TBC1D22A: variants seen among roughly 807,000 people sequenced by gnomAD.
TBC1D22A encodes the protein putative GTPase activator.
TBC1D22A carries 38 observed loss-of-function variants against 60.2 expected under a neutral mutation model. The observed-to-expected ratio is 0.63, with a 90% confidence interval of 0.49 to 0.83. TBC1D22A has a LOEUF of 0.83. Ranked by LOEUF, TBC1D22A falls within the 40% of genes least tolerant of loss-of-function variation. The pLI, the probability that TBC1D22A is intolerant of heterozygous loss-of-function variation, is 0.00. For synonymous variants in TBC1D22A, 302 were observed against 281.7 expected (o/e 1.07, Z -0.72); for missense variants, 628 against 701.0 (o/e 0.90, Z 1.18).
At chr22:47,023,644 G>C (rs1827198607) in intron 10 of TBC1D22A, among the ~76,000 whole-genome samples, 1 of 152,230 alleles carries the variant, frequency 6.6e-6, no homozygotes, top group South Asian at 2.1e-4. Flanking sequence ...CATGACAACA[G>C]CAGTCTCATT....
chr22:47,173,536 C>G lies in TBC1D22A; in HGVS notation c.1464C>G (p.His488Gln). Reference sequence around the variant, plus strand: ...TCCTCCAGAACCTGCCCACAGCCCACTGGGATGATGAGGACATCAGCCTGT... The same window carrying G: ...TCCTCCAGAACCTGCCCACAGCCCAGTGGGATGATGAGGACATCAGCCTGT... The part of the protein sequence containing the change: ...LLFLQNLPTA[H>Q]WDDEDISLLL... The change falls in exon 13 of 13, where the codon CAC becomes CAG. Residue 488 changes from histidine (H) to glutamine (Q), a missense_variant. Physicochemically the swap from His to Gln is conservative, Grantham distance 24. Coordinates refer to ENST00000337137, the MANE Select transcript of TBC1D22A (RefSeq NM_014346.5). 1 of 1,614,196 alleles carries G rather than the reference C, an allele frequency of 6.2e-7. No individual in the cohort carries two copies. Among genetic ancestry groups the G allele is most frequent in the Non-Finnish European group, 8.5e-7 (1 of 1,180,032 alleles).
At chr22:46,926,432 A>G (rs1317755594) in intron 8 of TBC1D22A, among the ~76,000 whole-genome samples, 2 of 152,232 alleles carry the variant, frequency 1.3e-5, no homozygotes, top group Non-Finnish European at 2.9e-5. Context: ...GAACGACTCT[A>G]CAAACCAGGC....
At chr22:46,958,766 C>T (rs986277167) in intron 8 of TBC1D22A, among the ~76,000 whole-genome samples, 9 of 152,186 alleles carry the variant, frequency 5.9e-5, no homozygotes, top group Admixed American at 6.5e-5. Flanking sequence ...TTGCCTTACC[C>T]GTAGACTTAC....
chr22:47,072,384 CG>C (rs1569418955), intron 11 of TBC1D22A, among the ~76,000 whole-genome samples: 2 of 152,252 alleles, frequency 1.3e-5, no homozygotes, highest in Admixed American at 6.5e-5. Flanking sequence ...ATGTGCCTGT[CG>C]TGCTTCTGGT....
intron 4 of TBC1D22A, among the ~76,000 whole-genome samples, chr22:46,830,542 G>C (rs2086265403): frequency 6.6e-6 from 1 of 152,220 alleles, no homozygotes; most frequent in East Asian, 1.9e-4. Flanking sequence ...AGAAGCAAAG[G>C]GCTGGTGGAA....
chr22:46,995,548 A>AAC (rs1230094222), intron 9 of TBC1D22A, among the ~76,000 whole-genome samples: 1 of 152,110 alleles, frequency 6.6e-6, no homozygotes, highest in African/African-American at 2.4e-5. Context: ...AGAAACGTAG[A>AAC]GAGTGCTGGC....
intron 8 of TBC1D22A, among the ~76,000 whole-genome samples, chr22:46,965,489 C>T (rs947609599): frequency 2.0e-5 from 3 of 152,218 alleles, no homozygotes; most frequent in African/African-American, 7.2e-5. Flanking sequence ...CTTCGGCGTG[C>T]TTTGTCAGAT....
chr22:46,771,491 C>G (rs1413087938), intron 1 of TBC1D22A, among the ~76,000 whole-genome samples: 1 of 152,016 alleles, frequency 6.6e-6, no homozygotes, highest in Non-Finnish European at 1.5e-5. Context: ...TACACTGAAC[C>G]CAGTCTTTTA....
intron 9 of TBC1D22A, among the ~76,000 whole-genome samples, chr22:46,997,403 C>T (rs144026037): frequency 1.1e-3 from 167 of 152,340 alleles, no homozygotes; most frequent in African/African-American, 2.1e-3. Flanking sequence ...CTGAGATGCA[C>T]GTGCTTATCA....
chr22:47,102,276 C>T (rs550690178), intron 11 of TBC1D22A, among the ~76,000 whole-genome samples: 8 of 152,270 alleles, frequency 5.3e-5, no homozygotes, highest in Admixed American at 3.9e-4. Flanking sequence ...AGTGGCCTTG[C>T]GCTACGCACC....
intron 12 of TBC1D22A, among the ~76,000 whole-genome samples, chr22:47,163,831 A>G (rs1168409174): frequency 2.0e-5 from 3 of 152,194 alleles, no homozygotes; most frequent in Non-Finnish European, 4.4e-5. Context: ...ACACACTTGC[A>G]CCACTGAGCA....
At chr22:47,130,140 A>T (rs1467227144) in intron 12 of TBC1D22A, among the ~76,000 whole-genome samples, 1 of 152,136 alleles carries the variant, frequency 6.6e-6, no homozygotes, top group African/African-American at 2.4e-5. Flanking sequence ...ACAGCATGTC[A>T]CTTTCCTTGG....
intron 10 of TBC1D22A, among the ~76,000 whole-genome samples, chr22:47,026,131 A>C (rs138127720): frequency 6.6e-6 from 1 of 152,360 alleles, no homozygotes; most frequent in East Asian, 1.9e-4. Flanking sequence ...CAAACCCATA[A>C]AAATCACATC....
At chr22:47,133,028 A>T (rs927719346) in intron 12 of TBC1D22A, among the ~76,000 whole-genome samples, 1 of 152,252 alleles carries the variant, frequency 6.6e-6, no homozygotes, top group Non-Finnish European at 1.5e-5. Flanking sequence ...GTGCTCATTG[A>T]GATATGGAAA....
At chr22:47,022,818 G>A (rs131940) in intron 10 of TBC1D22A, among the ~76,000 whole-genome samples, 62,524 of 151,990 alleles carry the variant, frequency 0.41, 14,789 homozygotes, top group African/African-American at 0.66. Context: ...ATAGAAACCT[G>A]AACGAAATAC....
intron 9 of TBC1D22A, among the ~76,000 whole-genome samples, chr22:46,986,209 G>T (rs2074716564): frequency 1.3e-5 from 2 of 152,294 alleles, no homozygotes; most frequent in South Asian, 2.1e-4. Context: ...GATTGTATAG[G>T]TGTGTGTCTG....
chr22:46,834,238 A>G (rs2086426185), intron 4 of TBC1D22A, among the ~76,000 whole-genome samples: 1 of 152,150 alleles, frequency 6.6e-6, no homozygotes, highest in African/African-American at 2.4e-5. Context: ...GTGGCAAATG[A>G]TGTCAGAAAG....
At chr22:46,792,380 G>A in intron 1 of TBC1D22A, 140 bp from the exon 2 acceptor site, 1 of 1,148,986 alleles carries the variant, frequency 8.7e-7, no homozygotes, top group Middle Eastern at 2.5e-4. Context: ...GGTGGCTGCA[G>A]GGGGGCCTGC....
At chr22:46,899,203 T>A (rs558128187) in intron 7 of TBC1D22A, among the ~76,000 whole-genome samples, 1 of 152,218 alleles carries the variant, frequency 6.6e-6, no homozygotes, top group African/African-American at 2.4e-5. Context: ...TCCCAGCACT[T>A]CAGGAGGCCA....
Sources: gnomAD v4.1 joint callset for allele counts (sites outside exome capture counted in the v4.1 genomes callset) on GRCh38, gnomAD v4.1.1 for gene constraint, MANE v1.5 for transcripts, NCBI Gene and HGNC (gene_info 2026-07-23, HGNC 2026-07-21) for gene names.